CACNA1D: variants seen among roughly 807,000 people sequenced by gnomAD.
The protein encoded by CACNA1D is voltage-dependent L-type calcium channel subunit alpha-1D.
A neutral mutation model predicts 257.1 loss-of-function variants in CACNA1D; 55 were observed. That is an observed-to-expected ratio of 0.21 (90% CI 0.17 to 0.27). CACNA1D has a LOEUF of 0.27. CACNA1D is among the 10% of genes least tolerant of loss of function. The pLI is 1.00. For synonymous variants in CACNA1D, 980 were observed against 1,014.9 expected (o/e 0.97, Z 0.65); for missense variants, 1,876 against 2,784.0 (o/e 0.67, Z 7.34).
At position 53,747,467 on chromosome 3, in the gene CACNA1D, C is replaced by T. The variant is rs757139051; in HGVS notation, c.3314+19C>T. On this transcript the variant is annotated intron_variant, in intron 26 of 47. Coordinates refer to ENST00000350061, the MANE Select transcript of CACNA1D (RefSeq NM_001128840.3). ...GGCCTGCGTAAGTACAGGGAGCACA[C>T]AGTCTTCTGGAGAGGCACCTGCGTG... 1.2e-6 allele frequency: 2 copies of T among 1,613,752 alleles called. No individual in the cohort carries two copies. The highest frequency in any genetic ancestry group is 1.7e-6 in the Non-Finnish European group (2 of 1,179,746).
At chr3:53,737,507 T>C (rs925270838) in intron 20 of CACNA1D, among the ~76,000 whole-genome samples, 1 of 152,186 alleles carries the variant, frequency 6.6e-6, no homozygotes, top group Admixed American at 6.5e-5. Flanking sequence ...CAATCCCTTA[T>C]GGATACTGAC....
rs893936920 is a variant in CACNA1D, at chr3:53,673,835, G to A, written c.1220+709G>A. ...TTAGTGGGTAAGCAGTCGGATCCGT[G>A]TTGCACCTTCTCCTGCTGCCACGTG... On this transcript the variant is annotated intron_variant, in intron 8 of 47. Transcript: ENST00000350061. This position sits in a 1 kb window ranked among gnomAD's most constrained non-coding sequence, Gnocchi z 4.1. The A allele has an allele frequency of 7.9e-6, 12 of 1,512,570 alleles. No homozygotes were observed. Among genetic ancestry groups the A allele is most frequent in the Non-Finnish European group, 1.0e-5 (11 of 1,087,500 alleles). 93.7% of individuals were successfully genotyped at this position (1,512,570 alleles called of 1,614,324 possible).
chr3:53,498,306 C>A (rs562718852), intron 2 of CACNA1D, among the ~76,000 whole-genome samples: 1 of 152,160 alleles, frequency 6.6e-6, no homozygotes, highest in Non-Finnish European at 1.5e-5. Flanking sequence ...TAAAATTGAA[C>A]TCCAAATGCC....
chr3:53,740,622 C>T (rs943457719), intron 21 of CACNA1D: 36 of 404,322 alleles, frequency 8.9e-5, no homozygotes, highest in Admixed American at 4.4e-5. Context: ...TTTTTTAAAC[C>T]GAAGGATTTT....
intron 3 of CACNA1D, among the ~76,000 whole-genome samples, chr3:53,635,420 A>G (rs1385190552): frequency 1.3e-5 from 2 of 152,030 alleles, no homozygotes; most frequent in African/African-American, 2.4e-5. Flanking sequence ...CCAGTCAGGT[A>G]TTTTGTATTG....
At chr3:53,675,558 T>C (rs931792237) in intron 8 of CACNA1D, among the ~76,000 whole-genome samples, 2 of 151,508 alleles carry the variant, frequency 1.3e-5, no homozygotes, top group African/African-American at 4.9e-5. Flanking sequence ...GCAGACATGA[T>C]GAAGTAGAGG....
chr3:53,698,184 G>C (rs2094589407), intron 8 of CACNA1D, among the ~76,000 whole-genome samples: 1 of 152,166 alleles, frequency 6.6e-6, no homozygotes, highest in Non-Finnish European at 1.5e-5. Context: ...GAAATCATCA[G>C]TTCACACCTA....
chr3:53,674,610 C>T (rs1271031663), intron 8 of CACNA1D, among the ~76,000 whole-genome samples: 2 of 152,196 alleles, frequency 1.3e-5, no homozygotes, highest in Non-Finnish European at 2.9e-5. Flanking sequence ...CTGCCTTGCC[C>T]GTAGCTGGAG....
At chr3:53,648,980 A>G (rs561126952) in intron 3 of CACNA1D, among the ~76,000 whole-genome samples, 9 of 152,300 alleles carry the variant, frequency 5.9e-5, no homozygotes, top group African/African-American at 1.7e-4. Flanking sequence ...GCCCTGTTAT[A>G]TGACCAGTGA....
At chr3:53,691,724 TATATAATATATATATTACATATATA>T (rs2094522539) in intron 8 of CACNA1D, among the ~76,000 whole-genome samples, 1 of 92,310 alleles carries the variant, frequency 1.1e-5, no homozygotes, top group Non-Finnish European at 2.2e-5. Flanking sequence ...ATATATTACA[TATATAATATATATATTACATATATA>T]ATATATATTA....
Position 53,495,132 on chromosome 3 carries a change from C to G in CACNA1D, c.-35C>G, listed in dbSNP as rs2090290140. The G allele has an allele frequency of 6.3e-7, 1 of 1,582,400 alleles. No individual in the cohort carries two copies. Among genetic ancestry groups the G allele is most frequent in the African/African-American group, 1.4e-5 (1 of 73,980 alleles). On this transcript the variant is annotated 5_prime_UTR_variant, in exon 1 of 48. Transcript: ENST00000350061. The surrounding 1 kb of genome is among the most constrained non-coding windows in gnomAD (Gnocchi z 5.1). ...CCCGCCTCAACGCCCAGCACAGTGC[C>G]CTGCACACAGTAGTCGCTCAATAAA...
chr3:53,566,291 G>A (rs2092834499), intron 3 of CACNA1D, among the ~76,000 whole-genome samples: 1 of 152,070 alleles, frequency 6.6e-6, no homozygotes, highest in Non-Finnish European at 1.5e-5. Context: ...AAGAGTGACT[G>A]CCTTGCTGTT....
At chr3:53,502,736 A>G (rs552166679) in intron 3 of CACNA1D, among the ~76,000 whole-genome samples, 5 of 152,222 alleles carry the variant, frequency 3.3e-5, no homozygotes, top group South Asian at 4.1e-4. Context: ...ACATTCTGCA[A>G]TCTTTCTTTG....
intron 8 of CACNA1D, among the ~76,000 whole-genome samples, chr3:53,676,921 T>A (rs2094382439): frequency 6.6e-6 from 1 of 152,226 alleles, no homozygotes; most frequent in South Asian, 2.1e-4. Context: ...AGAATGTCTA[T>A]GTCTAATGTT....
At chr3:53,584,866 G>A (rs898607396) in intron 3 of CACNA1D, among the ~76,000 whole-genome samples, 16 of 140,958 alleles carry the variant, frequency 1.1e-4, no homozygotes, top group African/African-American at 4.0e-4. Flanking sequence ...GAGTCTTTTG[G>A]TTCTGATTTG....
At chr3:53,717,226 C>T (rs563385947) in intron 9 of CACNA1D, among the ~76,000 whole-genome samples, 53 of 152,346 alleles carry the variant, frequency 3.5e-4, no homozygotes, top group African/African-American at 1.2e-3. Context: ...TTTACCTCTG[C>T]ACCCCGGCAG....
chr3:53,758,539 C>A (rs1466860259), intron 29 of CACNA1D, among the ~76,000 whole-genome samples: 2 of 152,184 alleles, frequency 1.3e-5, no homozygotes, highest in Non-Finnish European at 2.9e-5. Flanking sequence ...GCCCACTGTC[C>A]AGCAGGAGAC....
intron 40 of CACNA1D, among the ~76,000 whole-genome samples, chr3:53,787,823 G>A (rs987908884): frequency 1.3e-5 from 2 of 152,164 alleles, no homozygotes; most frequent in Admixed American, 6.5e-5. Flanking sequence ...GGACAGGGAA[G>A]AGGGAACCAC....
At chr3:53,511,941 C>T (rs1007895275) in intron 3 of CACNA1D, among the ~76,000 whole-genome samples, 1 of 151,938 alleles carries the variant, frequency 6.6e-6, no homozygotes, top group African/African-American at 2.4e-5. Flanking sequence ...AATAAATGAC[C>T]AATATTTTTA....
Sources: gnomAD v4.1 joint callset for allele counts (sites outside exome capture counted in the v4.1 genomes callset) on GRCh38, gnomAD v4.1.1 for gene constraint, Gnocchi (gnomAD v3.1) non-coding constraint, MANE v1.5 for transcripts, NCBI Gene and HGNC (gene_info 2026-07-23, HGNC 2026-07-21) for gene names.